RBFOX1: variants seen among roughly 807,000 people sequenced by gnomAD.
The protein encoded by RBFOX1 is RNA binding protein fox-1 homolog 1.
Under a neutral mutation model 57.7 loss-of-function variants are expected in RBFOX1, and 8 were observed. The observed-to-expected ratio is 0.14, with a 90% CI of 0.08 to 0.25. The LOEUF (loss-of-function observed/expected upper bound fraction) is 0.25, where lower values mean the gene tolerates loss of function less well. Ranked by LOEUF, RBFOX1 falls within the 10% of genes least tolerant of loss-of-function variation. The probability of loss-of-function intolerance (pLI) is 1.00; values close to 1 mark genes in which losing one functional copy is unlikely to be tolerated. For synonymous variants in RBFOX1, 326 were observed against 222.4 expected (o/e 1.47, Z -4.15); for missense variants, 611 against 548.5 (o/e 1.11, Z -1.14).
At chr16:5,974,204 C>T (rs1473992408) in intron 4 of RBFOX1, among the ~76,000 whole-genome samples, 1 of 152,172 alleles carries the variant, frequency 6.6e-6, no homozygotes, top group Non-Finnish European at 1.5e-5. Flanking sequence ...TGGTTTAGCC[C>T]TCAACTGCTT....
chr16:7,449,544 G>A (rs2098834741), intron 4 of RBFOX1, among the ~76,000 whole-genome samples: 1 of 152,038 alleles, frequency 6.6e-6, no homozygotes, highest in South Asian at 2.1e-4. Flanking sequence ...TTGTAATTTT[G>A]CATTGTTTGT....
chr16:7,272,939 CCTTCCCTGCTTT>C (rs1284156387), intron 4 of RBFOX1, among the ~76,000 whole-genome samples: 1 of 141,522 alleles, frequency 7.1e-6, no homozygotes, highest in African/African-American at 2.6e-5. Flanking sequence ...TCCCTCACTT[CCTTCCCTGCTTT>C]CTTCCTTTTC....
intron 4 of RBFOX1, among the ~76,000 whole-genome samples, chr16:7,070,025 C>G (rs1218499653): frequency 1.3e-5 from 2 of 152,176 alleles, no homozygotes; most frequent in African/African-American, 4.8e-5. Context: ...CTTTTGCCAT[C>G]AGTCTTTTAT....
At chr16:5,375,954 G>A (rs778492485) in intron 1 of RBFOX1, among the ~76,000 whole-genome samples, 16 of 152,080 alleles carry the variant, frequency 1.1e-4, no homozygotes, top group Non-Finnish European at 1.9e-4. Flanking sequence ...ATCATTTGAG[G>A]TCGGGAGTCT....
chr16:5,819,764 C>A (rs1370781040), intron 3 of RBFOX1, among the ~76,000 whole-genome samples: 1 of 152,178 alleles, frequency 6.6e-6, no homozygotes, highest in Non-Finnish European at 1.5e-5. Context: ...GCTTTAGTTT[C>A]TTTCAACAAA....
intron 1 of RBFOX1, among the ~76,000 whole-genome samples, chr16:6,254,254 A>G (rs550694574): frequency 6.6e-6 from 1 of 152,314 alleles, no homozygotes; most frequent in African/African-American, 2.4e-5. Context: ...CATGTGAACT[A>G]AACAGATGTA....
chr16:6,819,840 C>T (rs1736525109), intron 3 of RBFOX1, among the ~76,000 whole-genome samples: 1 of 151,676 alleles, frequency 6.6e-6, no homozygotes, highest in African/African-American at 2.4e-5. Flanking sequence ...CATTTGAATC[C>T]AGCCCTCTGA....
At chr16:7,391,026 G>C (rs2098003862) in intron 4 of RBFOX1, among the ~76,000 whole-genome samples, 1 of 152,128 alleles carries the variant, frequency 6.6e-6, no homozygotes, top group Admixed American at 6.6e-5. Flanking sequence ...GCTTTTTGGA[G>C]GCTCATTGGT....
At chr16:6,050,926 C>T (rs569928348) in intron 1 of RBFOX1, among the ~76,000 whole-genome samples, 46 of 150,064 alleles carry the variant, frequency 3.1e-4, no homozygotes, top group African/African-American at 1.1e-3. Context: ...TGAGAGCTTC[C>T]TCCTTCCTCA....
chr16:6,344,698 T>TG (rs1446457465), intron 2 of RBFOX1, among the ~76,000 whole-genome samples: 1 of 139,018 alleles, frequency 7.2e-6, no homozygotes, highest in Non-Finnish European at 1.6e-5. Flanking sequence ...AGCCCGGTTT[T>TG]TTTTTTTTTT....
chr16:7,540,472 G>C lies in RBFOX1; in HGVS notation c.270+22083G>C, dbSNP rs561916209. ...TATTTATCATCAGTTATACAATTAG[G>C]ATAATTAAAGTGTTTGTCACAGAGG... is the stretch of plus-strand genomic sequence containing the variant. On this transcript the variant is annotated intron_variant, in intron 5 of 15. Coordinates refer to ENST00000550418, the MANE Select transcript of RBFOX1 (RefSeq NM_018723.4). Among the ~76,000 whole-genome samples, 5 of 152,268 alleles carry C rather than the reference G, an allele frequency of 3.3e-5. No homozygotes were observed. The South Asian group carries it at 1.0e-3, about 32-fold the overall frequency.
At chr16:7,168,942 C>G (rs1471202404) in intron 4 of RBFOX1, among the ~76,000 whole-genome samples, 1 of 152,164 alleles carries the variant, frequency 6.6e-6, no homozygotes, top group Non-Finnish European at 1.5e-5. Flanking sequence ...TTTGTGATGT[C>G]CTTCCTTGGA....
intron 4 of RBFOX1, among the ~76,000 whole-genome samples, chr16:7,283,304 C>T (rs1176497290): frequency 6.6e-6 from 1 of 151,844 alleles, no homozygotes; most frequent in African/African-American, 2.4e-5. Context: ...TCCCTGGTCC[C>T]CCAATCTGCC....
intron 3 of RBFOX1, among the ~76,000 whole-genome samples, chr16:5,850,478 C>T (rs886566813): frequency 6.6e-6 from 1 of 151,978 alleles, no homozygotes; most frequent in Admixed American, 6.6e-5. Flanking sequence ...GCTAGGTTCT[C>T]TAACAAAGTA....
chr16:6,730,352 G>A (rs376200181), intron 3 of RBFOX1, among the ~76,000 whole-genome samples: 5 of 151,754 alleles, frequency 3.3e-5, no homozygotes, highest in African/African-American at 9.7e-5. Flanking sequence ...ACATTATATA[G>A]TAAGCAGTAA....
intron 2 of RBFOX1, among the ~76,000 whole-genome samples, chr16:6,626,222 C>A (rs1445805128): frequency 6.6e-6 from 1 of 151,484 alleles, no homozygotes; most frequent in Non-Finnish European, 1.5e-5. Flanking sequence ...ACATTTATGC[C>A]CTCTGATTTT....
At chr16:5,597,365 A>G (rs1022722168) in intron 2 of RBFOX1, among the ~76,000 whole-genome samples, 1 of 147,938 alleles carries the variant, frequency 6.8e-6, no homozygotes, top group Non-Finnish European at 1.5e-5. Flanking sequence ...CAGGAAGTTA[A>G]AGGGGTGACC....
At chr16:5,887,627 C>G (rs1002640372) in intron 4 of RBFOX1, among the ~76,000 whole-genome samples, 1 of 152,112 alleles carries the variant, frequency 6.6e-6, no homozygotes, top group African/African-American at 2.4e-5. Context: ...TGGCCTTGAA[C>G]TCCTGAACTC....
rs563736609 is a variant in RBFOX1, at chr16:6,840,770, C to A, written c.-16+186120C>A. ...AGTGTGGTGGTGTGCACCTGTAGTCCCAGCTACTCGGGAGGCTGAGGCAGG... is the reference window on the plus strand; with the variant it reads ...AGTGTGGTGGTGTGCACCTGTAGTCACAGCTACTCGGGAGGCTGAGGCAGG... On this transcript the variant is annotated intron_variant, in intron 3 of 15. Transcript: ENST00000550418. 4.6e-5 allele frequency among the ~76,000 whole-genome samples: 7 copies of A among 151,822 alleles called. No individual in the cohort carries two copies. In the East Asian group the frequency reaches 1.4e-3, roughly 30 times the overall value.
Sources: allele counts gnomAD v4.1 joint callset (sites outside exome capture counted in the v4.1 genomes callset), GRCh38; gene constraint gnomAD v4.1.1; transcripts MANE v1.5; gene names NCBI Gene and HGNC (gene_info 2026-07-23, HGNC 2026-07-21).